The following MAGI2 variants were observed in gnomAD, a reference collection of about 807,000 sequenced individuals.
The protein encoded by MAGI2 is membrane associated guanylate kinase, WW and PDZ domain containing 2.
In MAGI2, 35 loss-of-function variants were observed where a neutral mutation model predicts 133.3. The observed-to-expected ratio is 0.26, with a 90% CI of 0.20 to 0.35. MAGI2 has a LOEUF of 0.35. Among genes scored for constraint, MAGI2 ranks in the 10% least tolerant of loss-of-function variants. The pLI, the probability that MAGI2 is intolerant of heterozygous loss-of-function variation, is 1.00. For missense variants in MAGI2, 1,636 were observed against 1,863.4 expected (o/e 0.88, Z 2.25); for synonymous variants, 729 against 710.6 (o/e 1.03, Z -0.41).
intron 6 of MAGI2, among the ~76,000 whole-genome samples, chr7:78,404,782 C>T (rs1488562977): frequency 6.6e-6 from 1 of 152,076 alleles, no homozygotes; most frequent in East Asian, 1.9e-4. Context: ...GTCTAAAATA[C>T]CTAAAGCAAT....
At chr7:78,598,356 G>A (rs566388030) in intron 3 of MAGI2, among the ~76,000 whole-genome samples, 5 of 152,190 alleles carry the variant, frequency 3.3e-5, no homozygotes, top group African/African-American at 1.2e-4. Flanking sequence ...GTACGGGGAG[G>A]TGCTGAGGAG....
chr7:79,360,938 C>T (rs1378850206), intron 1 of MAGI2, among the ~76,000 whole-genome samples: 1 of 151,778 alleles, frequency 6.6e-6, no homozygotes, highest in African/African-American at 2.4e-5. Flanking sequence ...TGTGGATAAA[C>T]AAAGAAAAAT....
chr7:79,016,346 C>T (rs564379764), intron 1 of MAGI2, among the ~76,000 whole-genome samples: 62 of 152,224 alleles, frequency 4.1e-4, no homozygotes, highest in Non-Finnish European at 3.4e-4. Flanking sequence ...GCTGGCCTCT[C>T]CTGTGACCCC....
At chr7:78,734,024 C>A (rs544665731) in intron 2 of MAGI2, among the ~76,000 whole-genome samples, 59 of 152,214 alleles carry the variant, frequency 3.9e-4, no homozygotes, top group African/African-American at 1.3e-3. Context: ...GTAAACATAA[C>A]AACTATATGG....
chr7:79,245,832 G>A (rs1832780759), intron 1 of MAGI2, among the ~76,000 whole-genome samples: 1 of 152,168 alleles, frequency 6.6e-6, no homozygotes, highest in African/African-American at 2.4e-5. Flanking sequence ...ACCCAGTGTT[G>A]TGCTGGCTTC....
chr7:78,715,213 A>T (rs1430461087), intron 2 of MAGI2, among the ~76,000 whole-genome samples: 1 of 152,160 alleles, frequency 6.6e-6, no homozygotes, highest in Non-Finnish European at 1.5e-5. Context: ...CTTCGGTTCC[A>T]GTAAGGATGA....
At chr7:78,162,524 C>CAAAAAAAA (rs773765110) in intron 15 of MAGI2, among the ~76,000 whole-genome samples, 1 of 54,772 alleles carries the variant, frequency 1.8e-5, no homozygotes, top group African/African-American at 7.6e-5. Flanking sequence ...GACTCTGCCT[C>CAAAAAAAA]AAAAAAAAAA....
At chr7:78,296,089 G>A (rs370260686) in intron 9 of MAGI2, among the ~76,000 whole-genome samples, 84 of 152,188 alleles carry the variant, frequency 5.5e-4, no homozygotes, top group African/African-American at 1.8e-3. Flanking sequence ...CTAACTGGTC[G>A]TCCTGCTTCT....
rs553734903 is a variant in MAGI2, at chr7:79,114,784, C to T, written c.302-107578G>A. On this transcript the variant is annotated intron_variant, in intron 1 of 21. Transcript: ENST00000354212. Reference sequence around the variant, plus strand: ...ACTTTGAGCTAAGTAATTATTCTCACCACCACACTGCTTGTTAGTGGCAAA... The same window carrying T: ...ACTTTGAGCTAAGTAATTATTCTCATCACCACACTGCTTGTTAGTGGCAAA... Among the ~76,000 whole-genome samples the T allele has an allele frequency of 1.3e-3, 204 of 152,240 alleles. 1 individual carries two copies. Among genetic ancestry groups the T allele is most frequent in the Middle Eastern group, 3.4e-3 (1 of 294 alleles).
intron 3 of MAGI2, among the ~76,000 whole-genome samples, chr7:78,590,775 T>A (rs1033857047): frequency 6.6e-6 from 1 of 152,218 alleles, no homozygotes; most frequent in African/African-American, 2.4e-5. Context: ...CTGTGGTGAC[T>A]GATTCTACTA....
chr7:78,948,773 G>C (rs190628315), intron 2 of MAGI2, among the ~76,000 whole-genome samples: 1 of 152,098 alleles, frequency 6.6e-6, no homozygotes, highest in Admixed American at 6.6e-5. Context: ...ACATGAAGGA[G>C]AGTTTTGAAA....
At chr7:78,142,745 G>A (rs1230449766) in intron 16 of MAGI2, among the ~76,000 whole-genome samples, 2 of 152,126 alleles carry the variant, frequency 1.3e-5, no homozygotes, top group African/African-American at 4.8e-5. Context: ...ACATTAGAGT[G>A]GCAGGAAGCA....
At chr7:78,081,442 G>A (rs1321415160) in intron 20 of MAGI2, among the ~76,000 whole-genome samples, 1 of 152,192 alleles carries the variant, frequency 6.6e-6, no homozygotes, top group Non-Finnish European at 1.5e-5. Context: ...TATGACAGAG[G>A]CATTCACAAA....
intron 6 of MAGI2, among the ~76,000 whole-genome samples, chr7:78,466,587 C>A (rs576782778): frequency 6.6e-6 from 1 of 152,128 alleles, no homozygotes; most frequent in Non-Finnish European, 1.5e-5. Flanking sequence ...TCTCTACTTG[C>A]CTTTTGTGCT....
At chr7:79,203,080 G>C (rs1828750784) in intron 1 of MAGI2, among the ~76,000 whole-genome samples, 1 of 151,786 alleles carries the variant, frequency 6.6e-6, no homozygotes, top group South Asian at 2.1e-4. Context: ...ACTTATAATG[G>C]ATCCTTATTT....
chr7:79,254,183 T>G (rs1833524296), intron 1 of MAGI2, among the ~76,000 whole-genome samples: 1 of 152,194 alleles, frequency 6.6e-6, no homozygotes, highest in Non-Finnish European at 1.5e-5. Context: ...TTCTGTGAAC[T>G]GTCTGTTCAT....
intron 3 of MAGI2, among the ~76,000 whole-genome samples, chr7:78,584,069 AAAC>A (rs1803133282): frequency 6.6e-6 from 1 of 152,204 alleles, no homozygotes; most frequent in Non-Finnish European, 1.5e-5. Flanking sequence ...AAACCAAATC[AAAC>A]AACAATAAAC....
chr7:79,385,364 T>C (rs1398634697), intron 1 of MAGI2, among the ~76,000 whole-genome samples: 1 of 151,932 alleles, frequency 6.6e-6, no homozygotes, highest in Non-Finnish European at 1.5e-5. Flanking sequence ...TTGAATATCA[T>C]AAAATTGTTT....
intron 1 of MAGI2, among the ~76,000 whole-genome samples, chr7:79,104,464 C>G (rs1041029993): frequency 1.3e-5 from 2 of 151,988 alleles, no homozygotes; most frequent in African/African-American, 4.8e-5. Context: ...GTCAAGAGAT[C>G]GAGACCATCC....
Sources: allele counts gnomAD v4.1 joint callset (sites outside exome capture counted in the v4.1 genomes callset), GRCh38; gene constraint gnomAD v4.1.1; transcripts MANE v1.5; gene names NCBI Gene and HGNC (gene_info 2026-07-23, HGNC 2026-07-21).